CCNB1IP1: variants seen among roughly 807,000 people sequenced by gnomAD.
CCNB1IP1 encodes the protein cyclin B1 interacting protein 1.
A neutral mutation model predicts 25.6 loss-of-function variants in CCNB1IP1; 14 were observed. The ratio of observed to expected loss-of-function variants is 0.55; its 90% CI spans 0.36 to 0.85. The LOEUF (loss-of-function observed/expected upper bound fraction) is 0.85. Among genes scored for constraint, CCNB1IP1 ranks in the 40% least tolerant of loss-of-function variants. CCNB1IP1 has a pLI of 0.01. For synonymous variants in CCNB1IP1, 119 were observed against 116.1 expected (o/e 1.02, Z -0.16); for missense variants, 278 against 342.4 (o/e 0.81, Z 1.48).
intron 1 of CCNB1IP1, among the ~76,000 whole-genome samples, chr14:20,331,789 G>A (rs1002149783): frequency 9.2e-5 from 14 of 151,628 alleles, no homozygotes; most frequent in African/African-American, 2.9e-4. Context: ...TGGAACTTAA[G>A]TGGAAAAAGT....
chr14:20,314,298 T>C (rs1227388376), intron 5 of CCNB1IP1: 1 of 152,348 alleles, frequency 6.6e-6, no homozygotes, highest in East Asian at 1.9e-4. Flanking sequence ...AAGGTCTGTC[T>C]TACTAGGAGA....
chr14:20,331,107 A>G (rs1242298519), intron 1 of CCNB1IP1, among the ~76,000 whole-genome samples: 1 of 152,162 alleles, frequency 6.6e-6, no homozygotes, highest in Non-Finnish European at 1.5e-5. Flanking sequence ...TTCCTTTTTT[A>G]TTTTGCATGT....
At chr14:20,313,105 A>G (rs900957437) in intron 6 of CCNB1IP1, among the ~76,000 whole-genome samples, 2 of 152,224 alleles carry the variant, frequency 1.3e-5, no homozygotes, top group African/African-American at 4.8e-5. Flanking sequence ...CTTACTTCAT[A>G]AGGTTTTGTA....
intron 4 of CCNB1IP1, among the ~76,000 whole-genome samples, chr14:20,321,228 C>T (rs1269010066): frequency 6.6e-6 from 1 of 151,992 alleles, no homozygotes; most frequent in Admixed American, 6.6e-5. Context: ...CTTTGAGTTT[C>T]AAGTAGTAGT....
chr14:20,315,959 C>T, intron 5 of CCNB1IP1: 1 of 456,992 alleles, frequency 2.2e-6, no homozygotes. Context: ...TACTTTTATA[C>T]AGAAGAGAGA....
chr14:20,311,741 T>G lies in CCNB1IP1; in HGVS notation c.643A>C (p.Lys215Gln), dbSNP rs2138835766. Residue 215 changes from lysine to glutamine, a missense_variant, in exon 7 of 7, where the codon AAG becomes CAG. Transcript: ENST00000358932. Reference sequence around the variant, plus strand: ...ACAGGTGTATTATCCAAAGGAAACTTGGAGTTGTTACCTAGGGCAGAAAAA... The same window carrying G: ...ACAGGTGTATTATCCAAAGGAAACTGGGAGTTGTTACCTAGGGCAGAAAAA... ...VLGFPLGNNS[K>Q]FPLDNTPVRN... 6.2e-7 allele frequency: 1 copy of G among 1,613,854 alleles called. No individual in the cohort carries two copies.
rs779864998 is a variant in CCNB1IP1, at chr14:20,316,495, C to T, written c.29G>A (p.Cys10Tyr). Residue 10 changes from cysteine (C) to tyrosine (Y), a missense_variant, in exon 5 of 7, where the codon TGT (cysteine) becomes TAT (tyrosine). Physicochemically the swap from Cys to Tyr is radical, Grantham distance 194 (BLOSUM62 -2). Transcript: ENST00000358932. MSLCEDMLLCNYRKCRIKLS... is the reference protein window; with the variant it reads MSLCEDMLLYNYRKCRIKLS... ...TTTGATGCGACACTTTCGATAATTA[C>T]AAAGCAGCATGTCTTCACACAAAGA... is the stretch of plus-strand genomic sequence containing the variant. 6.2e-7 allele frequency: 1 copy of T among 1,609,944 alleles called. No individual in the cohort carries two copies. The highest frequency in any genetic ancestry group is 1.3e-5 in the African/African-American group (1 of 74,888).
chr14:20,327,349 G>C (rs995318516), intron 2 of CCNB1IP1, among the ~76,000 whole-genome samples: 2 of 151,744 alleles, frequency 1.3e-5, no homozygotes, highest in African/African-American at 4.8e-5. Context: ...AGCCAATGCC[G>C]GATTGTATTT....
intron 4 of CCNB1IP1, chr14:20,320,444 A>G (rs1882854374): frequency 1.1e-5 from 4 of 377,880 alleles, no homozygotes; most frequent in South Asian, 5.8e-5. Context: ...AATATTAGAA[A>G]TGTATTTCAT....
chr14:20,314,029 A>G (rs999135538), intron 5 of CCNB1IP1, among the ~76,000 whole-genome samples: 2 of 152,238 alleles, frequency 1.3e-5, no homozygotes, highest in Non-Finnish European at 2.9e-5. Flanking sequence ...TCAAACCACT[A>G]ACTTTATACC....
chr14:20,317,396 C>T (rs28500547), intron 4 of CCNB1IP1, among the ~76,000 whole-genome samples: 86,679 of 151,588 alleles, frequency 0.57, 25,919 homozygotes, highest in African/African-American at 0.76. Context: ...GGACTCCGTC[C>T]CAGAAGGAAA....
chr14:20,325,400 G>A (rs1051081681), intron 4 of CCNB1IP1, 139 bp downstream of exon 4: 3 of 137,492 alleles, frequency 2.2e-5, no homozygotes, highest in Non-Finnish European at 3.0e-5. Context: ...CAGCCTGGGC[G>A]ACAGAGCAAG....
chr14:20,320,813 A>G (rs898173940), intron 4 of CCNB1IP1, among the ~76,000 whole-genome samples: 3 of 151,724 alleles, frequency 2.0e-5, no homozygotes, highest in East Asian at 1.9e-4. Context: ...TCAAAAAAAA[A>G]AAAAAAAAAA....
chr14:20,332,024 A>ATTTTTT (rs1262694211), intron 1 of CCNB1IP1, among the ~76,000 whole-genome samples: 38 of 50,176 alleles, frequency 7.6e-4, no homozygotes, highest in African/African-American at 1.3e-3. Flanking sequence ...ATATATATAT[A>ATTTTTT]TATTTTTTTT....
chr14:20,332,068 CTT>C (rs1177044842), intron 1 of CCNB1IP1, among the ~76,000 whole-genome samples: 1 of 57,420 alleles, frequency 1.7e-5, no homozygotes, highest in Non-Finnish European at 3.2e-5. Flanking sequence ...GAGTTTCGCT[CTT>C]GTTGCCCAGG....
At chr14:20,318,755 C>T (rs1476885634) in intron 4 of CCNB1IP1, among the ~76,000 whole-genome samples, 1 of 152,052 alleles carries the variant, frequency 6.6e-6, no homozygotes, top group Non-Finnish European at 1.5e-5. Flanking sequence ...AGGATATAAA[C>T]CTTAATGAAG....
intron 6 of CCNB1IP1, among the ~76,000 whole-genome samples, chr14:20,312,947 G>A (rs1397644563): frequency 6.6e-6 from 1 of 152,110 alleles, no homozygotes; most frequent in Non-Finnish European, 1.5e-5. Context: ...ATCAGTATTG[G>A]CAGGTGAAAA....
At chr14:20,328,597 T>TA (rs201954360) in intron 2 of CCNB1IP1, among the ~76,000 whole-genome samples, 9,076 of 148,618 alleles carry the variant, frequency 0.061, 356 homozygotes, top group Non-Finnish European at 0.093. Flanking sequence ...AAAAGGAAAT[T>TA]AAAAAAAAAA....
intron 4 of CCNB1IP1, among the ~76,000 whole-genome samples, chr14:20,322,367 T>C (rs1040437161): frequency 2.6e-5 from 4 of 151,968 alleles, no homozygotes; most frequent in Non-Finnish European, 4.4e-5. Context: ...TATAAGCAAG[T>C]ATTTTTTTGG....
Sources: allele counts gnomAD v4.1 joint callset (sites outside exome capture counted in the v4.1 genomes callset), GRCh38; gene constraint gnomAD v4.1.1; transcripts MANE v1.5; gene names NCBI Gene and HGNC (gene_info 2026-07-23, HGNC 2026-07-21).